Variants in CLDN18 observed in about 807,000 individuals in gnomAD.
The protein encoded by CLDN18 is claudin-18.
CLDN18 carries 20 observed loss-of-function variants against 25.0 expected under a neutral mutation model. The ratio of observed to expected loss-of-function variants is 0.80; its 90% CI spans 0.56 to 1.16. The LOEUF (loss-of-function observed/expected upper bound fraction) is 1.16, where lower values mean the gene tolerates loss of function less well. CLDN18 is among the 50% of genes most tolerant of loss of function. The probability of loss-of-function intolerance (pLI) is 0.00; values close to 1 mark genes in which losing one functional copy is unlikely to be tolerated. For synonymous variants in CLDN18, 125 were observed against 135.6 expected (o/e 0.92, Z 0.54); for missense variants, 297 against 345.4 (o/e 0.86, Z 1.11).
At chr3:138,028,027 C>T (rs1416001439) in intron 3 of CLDN18, among the ~76,000 whole-genome samples, 1 of 152,012 alleles carries the variant, frequency 6.6e-6, no homozygotes, top group Non-Finnish European at 1.5e-5. Context: ...ATGAAGCTTA[C>T]ATTGTTTACT....
At chr3:138,024,747 G>T (rs762922017) in intron 3 of CLDN18, 23 bp downstream of exon 3, 1 of 1,268,224 alleles carries the variant, frequency 7.9e-7, no homozygotes, top group African/African-American at 1.5e-5. Context: ...TCTAGGTCTC[G>T]GCATTCACCA....
chr3:138,018,836 C>T (rs1243021642), intron 1 of CLDN18, among the ~76,000 whole-genome samples: 2 of 152,190 alleles, frequency 1.3e-5, no homozygotes, highest in African/African-American at 2.4e-5. Flanking sequence ...CAGCTAGCTC[C>T]CTGCTCATTG....
intron 1 of CLDN18, among the ~76,000 whole-genome samples, chr3:138,018,678 C>T (rs1400883755): frequency 6.6e-6 from 1 of 152,216 alleles, no homozygotes; most frequent in Admixed American, 6.5e-5. Flanking sequence ...CCTGAGGGTA[C>T]CTCCTACAGA....
intron 1 of CLDN18, among the ~76,000 whole-genome samples, chr3:138,003,391 T>C (rs1024728846): frequency 3.9e-5 from 6 of 152,092 alleles, no homozygotes; most frequent in Admixed American, 3.9e-4. Context: ...AGATATGAAT[T>C]ACCCAAGAAG....
chr3:138,009,897 C>A (rs1224067443), upstream of CLDN18: 3 of 315,628 alleles, frequency 9.5e-6, no homozygotes, highest in South Asian at 4.7e-5. Flanking sequence ...GATGGCGGCG[C>A]TCTCCGGAGG....
At chr3:138,015,549 A>T (rs1293780035) in intron 1 of CLDN18, among the ~76,000 whole-genome samples, 1 of 152,222 alleles carries the variant, frequency 6.6e-6, no homozygotes, top group Non-Finnish European at 1.5e-5. Context: ...GGCAAAAAGC[A>T]GATACCTATA....
At chr3:138,002,525 C>T (rs537366063) in intron 1 of CLDN18, among the ~76,000 whole-genome samples, 7 of 152,274 alleles carry the variant, frequency 4.6e-5, no homozygotes, top group Admixed American at 1.3e-4. Context: ...GGTGCAAATA[C>T]GATCATAAAC....
At chr3:137,999,579 A>G (rs1008828031) in intron 1 of CLDN18, among the ~76,000 whole-genome samples, 3 of 152,166 alleles carry the variant, frequency 2.0e-5, no homozygotes, top group African/African-American at 7.2e-5. Flanking sequence ...AAAGGCAGAG[A>G]AAAAGAACTA....
intron 1 of CLDN18, among the ~76,000 whole-genome samples, chr3:138,023,383 GC>G (rs894186368): frequency 6.6e-6 from 1 of 152,078 alleles, no homozygotes; most frequent in African/African-American, 2.4e-5. Flanking sequence ...CAATCCAAGG[GC>G]CCCCCCAAGT....
At position 138,033,129 on chromosome 3, in the gene CLDN18, T is replaced by C. The variant is rs1942416570; in HGVS notation, c.*1988T>C. The C allele has an allele frequency of 6.6e-6, 1 of 152,258 alleles. No homozygotes were observed. The highest frequency in any genetic ancestry group is 2.4e-5 in the African/African-American group (1 of 41,456). The allele number at this position is 152,258 out of a possible 1,614,324, so 9.4% of individuals were successfully genotyped here. ...ATCTTCAGGCTGAACAGACTATGTC[T>C]GGGGAAAGAACGGATTATGCCCCAT... On this transcript the variant is annotated 3_prime_UTR_variant, in exon 5 of 5. Transcript: ENST00000183605.
chr3:138,024,662 C>A lies in CLDN18; in HGVS notation c.441C>A (p.Phe147Leu). 1.2e-6 allele frequency: 2 copies of A among 1,613,998 alleles called. No homozygotes were observed. The highest frequency in any genetic ancestry group is 1.7e-6 in the Non-Finnish European group (2 of 1,179,860). ...SVFANMLVTN[F>L]WMSTANMYTG... The stretch of plus-strand genomic sequence containing the variant: ...TTGCCAACATGCTGGTGACTAACTT[C>A]TGGATGTCCACAGCTAACATGTACA... The change falls in exon 3 of 5, where the codon TTC (phenylalanine) becomes TTA (leucine). Residue 147 changes from phenylalanine to leucine, a missense_variant. Physicochemically the swap from Phe to Leu is conservative, Grantham distance 22 (BLOSUM62 0). Transcript: ENST00000183605.
At chr3:138,026,180 C>G (rs1157289246) in intron 3 of CLDN18, among the ~76,000 whole-genome samples, 1 of 152,136 alleles carries the variant, frequency 6.6e-6, no homozygotes, top group Admixed American at 6.5e-5. Flanking sequence ...CTGGGACCCC[C>G]CTCCTTCTCC....
intron 1 of CLDN18, among the ~76,000 whole-genome samples, chr3:138,000,567 G>A (rs1208769150): frequency 2.0e-5 from 3 of 152,134 alleles, no homozygotes; most frequent in Admixed American, 2.0e-4. Flanking sequence ...TTGGGATTGT[G>A]GTATTTCAAG....
upstream of CLDN18, among the ~76,000 whole-genome samples, chr3:138,006,372 T>C (rs1942069889): frequency 1.3e-5 from 2 of 152,208 alleles, no homozygotes; most frequent in African/African-American, 2.4e-5. Context: ...AAATGTTTTC[T>C]CCAATGGCAG....
chr3:138,025,004 G>A (rs1047915551), intron 3 of CLDN18, among the ~76,000 whole-genome samples: 2 of 152,182 alleles, frequency 1.3e-5, no homozygotes, highest in African/African-American at 2.4e-5. Flanking sequence ...CCCCATTGTG[G>A]TGGCAATGAA....
chr3:138,012,240 C>G (rs1942143475), intron 1 of CLDN18, among the ~76,000 whole-genome samples: 1 of 152,218 alleles, frequency 6.6e-6, no homozygotes, highest in African/African-American at 2.4e-5. Flanking sequence ...CTTTCTCAGT[C>G]TGGTTTCTAT....
chr3:138,023,003 A>G (rs955808690), intron 1 of CLDN18, among the ~76,000 whole-genome samples: 10 of 152,364 alleles, frequency 6.6e-5, no homozygotes, highest in Middle Eastern at 6.8e-3. Context: ...TAGAAAGGAA[A>G]CTGCTGATAA....
intron 1 of CLDN18, among the ~76,000 whole-genome samples, chr3:138,018,430 G>T (rs373211370): frequency 6.8e-6 from 1 of 146,104 alleles, no homozygotes; most frequent in African/African-American, 2.6e-5. Flanking sequence ...TCCGCCTCCC[G>T]GGTTCACGCC....
At chr3:138,007,720 G>T (rs779804249), upstream of CLDN18, among the ~76,000 whole-genome samples, 1 of 152,186 alleles carries the variant, frequency 6.6e-6, no homozygotes, top group Non-Finnish European at 1.5e-5. Flanking sequence ...TAAAAAGCCT[G>T]CCTGTTGGTT....
Sources: gnomAD v4.1 joint callset for allele counts (sites outside exome capture counted in the v4.1 genomes callset) on GRCh38, gnomAD v4.1.1 for gene constraint, MANE v1.5 for transcripts, NCBI Gene and HGNC (gene_info 2026-07-23, HGNC 2026-07-21) for gene names.